Variants in PTBP2 observed in about 807,000 individuals in gnomAD.
The protein encoded by PTBP2 is polypyrimidine tract-binding protein 2.
In PTBP2, 13 loss-of-function variants were observed where a neutral mutation model predicts 61.4. The ratio of observed to expected loss-of-function variants is 0.21; its 90% CI spans 0.14 to 0.34. The LOEUF is 0.34. Ranked by LOEUF, PTBP2 falls within the 10% of genes least tolerant of loss-of-function variation. The probability of loss-of-function intolerance (pLI) is 1.00; values close to 1 mark genes in which losing one functional copy is unlikely to be tolerated. For missense variants in PTBP2, 405 were observed against 642.6 expected (o/e 0.63, Z 4.00); for synonymous variants, 215 against 218.5 (o/e 0.98, Z 0.14).
chr1:96,745,173 CT>C (rs35356252), intron 2 of PTBP2, among the ~76,000 whole-genome samples: 40,625 of 146,598 alleles, frequency 0.28, 6,596 homozygotes, highest in East Asian at 0.47. Context: ...AGCAATATTG[CT>C]TTTTTTTTTT....
intron 2 of PTBP2, among the ~76,000 whole-genome samples, chr1:96,745,102 G>A (rs1653572837): frequency 6.6e-6 from 1 of 151,684 alleles, no homozygotes; most frequent in Non-Finnish European, 1.5e-5. Flanking sequence ...TGAACATCAT[G>A]AACCTGTCAC....
At chr1:96,749,602 A>C in intron 2 of PTBP2, 1 of 454,296 alleles carries the variant, frequency 2.2e-6, no homozygotes, top group Non-Finnish European at 4.4e-6. Flanking sequence ...GGAGGGGCAA[A>C]CTTTGATTTT....
intron 3 of PTBP2, among the ~76,000 whole-genome samples, chr1:96,762,244 G>T (rs1218601051): frequency 6.6e-6 from 1 of 150,720 alleles, no homozygotes; most frequent in Non-Finnish European, 1.5e-5. Context: ...GAGCTGTTGG[G>T]TACACCTCCC....
In PTBP2 at chr1:96,814,892, TTCTG is replaced by T. The variant is rs1662404462; in HGVS notation, c.*1491_*1494del. On this transcript the variant is annotated 3_prime_UTR_variant, in exon 14 of 14. Transcript: ENST00000674951. ...ACTTCTGTAGCTCTATATTCACCTT[TTCTG>T]TCTTTCTCTGCTGCCTTTTCTCTCT... 6.6e-6 allele frequency: 1 copy of T among 152,570 alleles called. No homozygotes were observed. The highest frequency in any genetic ancestry group is 6.5e-5 in the Admixed American group (1 of 15,268). The allele number at this position is 152,570 out of a possible 1,614,324, so 9.5% of individuals were successfully genotyped here. A position where few individuals can be genotyped will look rare whatever the true frequency, so the allele number is the denominator to read the frequency against.
intron 8 of PTBP2, among the ~76,000 whole-genome samples, chr1:96,796,792 A>T (rs918221117): frequency 3.9e-5 from 6 of 152,152 alleles, no homozygotes; most frequent in African/African-American, 1.4e-4. Flanking sequence ...AGTCAAGTCA[A>T]GGGAGAATAG....
chr1:96,783,519 G>GT (rs1431148307), intron 7 of PTBP2, among the ~76,000 whole-genome samples: 1 of 152,032 alleles, frequency 6.6e-6, no homozygotes, highest in Non-Finnish European at 1.5e-5. Flanking sequence ...TGTGTGTTTA[G>GT]TAATTTTGTA....
At chr1:96,797,316 A>G (rs1660492139) in intron 8 of PTBP2, among the ~76,000 whole-genome samples, 6 of 152,174 alleles carry the variant, frequency 3.9e-5, no homozygotes. Flanking sequence ...AAGTTTCATT[A>G]GAAGAAAAGT....
chr1:96,754,736 C>T (rs1445769007), intron 3 of PTBP2, among the ~76,000 whole-genome samples: 1 of 152,064 alleles, frequency 6.6e-6, no homozygotes, highest in Non-Finnish European at 1.5e-5. Flanking sequence ...GACAAAGGTG[C>T]AAAGTCAATT....
At chr1:96,818,530 T>C (rs1016941443), downstream of PTBP2, 1 of 152,074 alleles carries the variant, frequency 6.6e-6, no homozygotes, top group African/African-American at 2.4e-5. Flanking sequence ...AACCTCCCTA[T>C]TAAAAATATA....
chr1:96,805,349 A>T (rs763290095), intron 9 of PTBP2, among the ~76,000 whole-genome samples: 1 of 151,950 alleles, frequency 6.6e-6, no homozygotes, highest in African/African-American at 2.4e-5. Context: ...CATTTTTTTT[A>T]AATCTTATTT....
At chr1:96,732,996 G>A (rs945259931) in intron 2 of PTBP2, among the ~76,000 whole-genome samples, 9 of 150,940 alleles carry the variant, frequency 6.0e-5, no homozygotes, top group African/African-American at 2.2e-4. Flanking sequence ...CATAAAAGTA[G>A]CTCATTACTC....
intron 2 of PTBP2, among the ~76,000 whole-genome samples, chr1:96,727,017 A>G (rs181707534): frequency 7.2e-5 from 11 of 152,316 alleles, no homozygotes; most frequent in South Asian, 2.1e-4. Context: ...ATGAACATCT[A>G]TCACTCCCTA....
chr1:96,734,520 A>C (rs1651879355), intron 2 of PTBP2, among the ~76,000 whole-genome samples: 1 of 151,822 alleles, frequency 6.6e-6, no homozygotes, highest in African/African-American at 2.4e-5. Flanking sequence ...CAAATTTAAC[A>C]GGTCGTTATT....
intron 2 of PTBP2, among the ~76,000 whole-genome samples, chr1:96,738,029 A>G (rs1652465688): frequency 6.6e-6 from 1 of 152,162 alleles, no homozygotes; most frequent in South Asian, 2.1e-4. Flanking sequence ...ACACAGTTCC[A>G]CTTTCCTTAA....
At chr1:96,818,696 C>T (rs1245826441), downstream of PTBP2, 2 of 152,016 alleles carry the variant, frequency 1.3e-5, no homozygotes, top group Non-Finnish European at 2.9e-5. Flanking sequence ...CTATAAAAAT[C>T]AGCTTCAAAG....
intron 8 of PTBP2, among the ~76,000 whole-genome samples, chr1:96,794,049 C>A (rs1660122175): frequency 6.6e-6 from 1 of 152,164 alleles, no homozygotes; most frequent in African/African-American, 2.4e-5. Flanking sequence ...TTCACATAGT[C>A]TTGCTTAAAT....
At chr1:96,769,948 G>A (rs907465914) in intron 4 of PTBP2, 73 bp downstream of exon 4, 2 of 1,185,232 alleles carry the variant, frequency 1.7e-6, no homozygotes, top group Admixed American at 2.8e-5. Flanking sequence ...TTGTAAAAGG[G>A]AGAAAATAGT....
At chr1:96,804,184 T>C (rs1404640582) in intron 8 of PTBP2, among the ~76,000 whole-genome samples, 1 of 151,856 alleles carries the variant, frequency 6.6e-6, no homozygotes, top group Admixed American at 6.6e-5. Flanking sequence ...ACCGGGAGAG[T>C]GTTGTGTTGA....
At chr1:96,749,601 A>G (rs774169212) in intron 2 of PTBP2, 4 of 454,068 alleles carry the variant, frequency 8.8e-6, no homozygotes, top group Admixed American at 7.1e-5. Context: ...GGGAGGGGCA[A>G]ACTTTGATTT....
Sources: gnomAD v4.1 joint callset for allele counts (sites outside exome capture counted in the v4.1 genomes callset) on GRCh38, gnomAD v4.1.1 for gene constraint, MANE v1.5 for transcripts, NCBI Gene and HGNC (gene_info 2026-07-23, HGNC 2026-07-21) for gene names.